The following DNAH5 variants were observed in gnomAD, a reference collection of about 807,000 sequenced individuals.
DNAH5 encodes the protein axonemal beta dynein heavy chain 5.
DNAH5 carries 372 observed loss-of-function variants against 518.2 expected under a neutral mutation model. That is an observed-to-expected ratio of 0.72 (90% CI 0.66 to 0.78). DNAH5 has a LOEUF of 0.78. Among genes scored for constraint, DNAH5 ranks in the 30% least tolerant of loss-of-function variants. The pLI is 0.00. For missense variants in DNAH5, 5,523 were observed against 5,687.0 expected, an observed-to-expected ratio of 0.97 and a Z score of 0.93; for synonymous variants, 2,039 against 2,025.9, an observed-to-expected ratio of 1.01 and a Z score of -0.17.
chr5:13,867,624 A>AAT lies in DNAH5; in HGVS notation c.4053+149_4053+150insAT. On this transcript the variant is annotated intron_variant, in intron 25 of 78. Coordinates refer to ENST00000265104, the MANE Select transcript of DNAH5 (RefSeq NM_001369.3). ...TAAGGGGAAAGAATTGTGAAAAAAA[A>AAT]TGTTTTTCTCTCATGAAAATAAAAT... The AAT allele has an allele frequency of 4.1e-6, 3 of 733,200 alleles. No homozygotes were observed. In the South Asian group the frequency reaches 4.6e-5, roughly 11 times the overall value. 45.4% of individuals were successfully genotyped at this position (733,200 alleles called of 1,614,324 possible).
At chr5:13,865,469 A>G (rs1477862212) in intron 27 of DNAH5, among the ~76,000 whole-genome samples, 199 bp downstream of exon 27, 2 of 152,258 alleles carry the variant, frequency 1.3e-5, no homozygotes, top group African/African-American at 2.4e-5. Flanking sequence ...ATCCTGATAG[A>G]CAGAATGTGC....
chr5:13,850,854 C>T, intron 30 of DNAH5, 39 bp from the exon 31 acceptor site: 1 of 1,605,032 alleles, frequency 6.2e-7, no homozygotes, highest in Non-Finnish European at 8.5e-7. Context: ...TAGATTTGGA[C>T]ACATCTGTGA....
intron 12 of DNAH5, among the ~76,000 whole-genome samples, chr5:13,902,816 A>T (rs903778630): frequency 6.6e-6 from 1 of 152,238 alleles, no homozygotes; most frequent in Non-Finnish European, 1.5e-5. Flanking sequence ...AGACATTAAC[A>T]TAAAAGCTAG....
At chr5:13,864,305 G>A in intron 28 of DNAH5, 92 bp downstream of exon 28, 3 of 1,533,040 alleles carry the variant, frequency 2.0e-6, no homozygotes, top group Non-Finnish European at 2.7e-6. Context: ...AATTGTCTGA[G>A]TGTAGTTTAC....
chr5:13,828,037 T>C (rs1016444518), intron 38 of DNAH5, among the ~76,000 whole-genome samples: 16 of 152,226 alleles, frequency 1.1e-4, no homozygotes, highest in African/African-American at 3.4e-4. Context: ...CAGTCTCAGG[T>C]ATGTCTTTAT....
chr5:13,902,375 G>C lies in DNAH5; in HGVS notation c.1645-237C>G, dbSNP rs372530064. On this transcript the variant is annotated intron_variant, in intron 12 of 78. Coordinates refer to ENST00000265104, the MANE Select transcript of DNAH5 (RefSeq NM_001369.3). ...GTCAGGTTCCACGGGTACTGGGCCA[G>C]ACACAGAGCCTGGGGGGTGGCACTG... Among the ~76,000 whole-genome samples, 3 of 152,336 alleles carry C rather than the reference G, an allele frequency of 2.0e-5. No homozygotes were observed. In the East Asian group the frequency reaches 5.8e-4, roughly 29 times the overall value.
At position 13,935,720 on chromosome 5, in the gene DNAH5, G is replaced by A. The variant is rs553891463; in HGVS notation, c.58-4476C>T. Among the ~76,000 whole-genome samples, 36 of 152,248 alleles carry A rather than the reference G, an allele frequency of 2.4e-4. No homozygotes were observed. In the East Asian group the frequency reaches 4.6e-3, roughly 20 times the overall value. ...AATTAGAACAGTGCACTGTCAATCCGCAGACCTAACCCTGCAGCTTTCTGG... is the reference window on the plus strand; with the variant it reads ...AATTAGAACAGTGCACTGTCAATCCACAGACCTAACCCTGCAGCTTTCTGG... On this transcript the variant is annotated intron_variant, in intron 1 of 78. Coordinates refer to ENST00000265104, the MANE Select transcript of DNAH5 (RefSeq NM_001369.3).
intron 1 of DNAH5, among the ~76,000 whole-genome samples, chr5:13,951,199 GT>G (rs1370928443): frequency 2.0e-5 from 1 of 49,900 alleles, no homozygotes; most frequent in African/African-American, 7.3e-5. Flanking sequence ...TTTTTTTTTT[GT>G]TTTTTTCGTT....
intron 32 of DNAH5, among the ~76,000 whole-genome samples, chr5:13,843,876 A>C (rs369465548): frequency 2.2e-4 from 33 of 152,256 alleles, no homozygotes; most frequent in African/African-American, 7.5e-4. Flanking sequence ...GAAGCACAAT[A>C]ATAACAATTC....
chr5:13,810,916 C>A (rs1760605526), intron 44 of DNAH5, among the ~76,000 whole-genome samples: 1 of 152,116 alleles, frequency 6.6e-6, no homozygotes, highest in Admixed American at 6.5e-5. Context: ...AGAATGAGAG[C>A]CTGTCATTTG....
At chr5:13,742,657 C>T (rs898470526) in intron 65 of DNAH5, among the ~76,000 whole-genome samples, 13 of 152,118 alleles carry the variant, frequency 8.5e-5, no homozygotes, top group Non-Finnish European at 1.3e-4. Context: ...AAAGATTGAA[C>T]ATTATTGAGA....
intron 1 of DNAH5, among the ~76,000 whole-genome samples, chr5:13,979,344 C>T (rs965471038): frequency 6.6e-6 from 1 of 152,130 alleles, no homozygotes; most frequent in Non-Finnish European, 1.5e-5. Flanking sequence ...TAGCATGAAC[C>T]ATCTTCCAAC....
chr5:13,954,972 A>AG (rs1435244221), intron 1 of DNAH5, among the ~76,000 whole-genome samples: 1 of 152,218 alleles, frequency 6.6e-6, no homozygotes, highest in Non-Finnish European at 1.5e-5. Context: ...TCATTTTGAA[A>AG]CAACTTAGGA....
At chr5:13,811,552 C>T in intron 44 of DNAH5, 95 bp downstream of exon 44, 1 of 1,227,130 alleles carries the variant, frequency 8.1e-7, no homozygotes. Flanking sequence ...CTCTGTATAG[C>T]ATGGCTACAT....
chr5:13,735,114 T>G lies in DNAH5; in HGVS notation c.11761+17A>C. 3 of 1,612,492 alleles carry G rather than the reference T, an allele frequency of 1.9e-6. No individual in the cohort carries two copies. The highest frequency in any genetic ancestry group is 1.7e-6 in the Non-Finnish European group (2 of 1,178,780). On this transcript the variant is annotated intron_variant, in intron 68 of 78. Coordinates refer to ENST00000265104, the MANE Select transcript of DNAH5 (RefSeq NM_001369.3). The stretch of plus-strand genomic sequence containing the variant: ...CCATCTGCACCTGTGCGCTATAGTC[T>G]CTATTCTTATATTGACCTTTAATAA...
intron 1 of DNAH5, among the ~76,000 whole-genome samples, chr5:14,007,848 G>A (rs1336731917): frequency 2.0e-5 from 3 of 152,138 alleles, no homozygotes; most frequent in East Asian, 3.8e-4. Context: ...CGTCCTAAAG[G>A]GGAATTTGAA....
At chr5:14,002,409 A>C (rs73047569) in intron 1 of DNAH5, among the ~76,000 whole-genome samples, 4,019 of 152,268 alleles carry the variant, frequency 0.026, 175 homozygotes, top group African/African-American at 0.091. Flanking sequence ...TGTACTTTTA[A>C]AGTTGACAAT....
intron 3 of DNAH5, among the ~76,000 whole-genome samples, chr5:13,926,483 T>C (rs1006113689): frequency 2.0e-5 from 3 of 152,176 alleles, no homozygotes; most frequent in African/African-American, 7.2e-5. Context: ...AAGCACATGG[T>C]CCTCCCTCTT....
At chr5:13,876,317 A>T (rs1770879434) in intron 22 of DNAH5, among the ~76,000 whole-genome samples, 1 of 152,240 alleles carries the variant, frequency 6.6e-6, no homozygotes, top group South Asian at 2.1e-4. Context: ...TGAAAAAATG[A>T]CTACAAACCT....
Sources: gnomAD v4.1 joint callset for allele counts (sites outside exome capture counted in the v4.1 genomes callset) on GRCh38, gnomAD v4.1.1 for gene constraint, MANE v1.5 for transcripts, NCBI Gene and HGNC (gene_info 2026-07-23, HGNC 2026-07-21) for gene names.